The following ST6GALNAC3 variants were observed in gnomAD, a reference collection of about 807,000 sequenced individuals.
The protein encoded by ST6GALNAC3 is alpha-N-acetylgalactosaminide alpha-2,6-sialyltransferase 3.
Under a neutral mutation model 32.7 loss-of-function variants are expected in ST6GALNAC3, and 25 were observed. The ratio of observed to expected loss-of-function variants is 0.76; its 90% CI spans 0.56 to 1.07. The LOEUF is 1.07. Among genes scored for constraint, ST6GALNAC3 ranks in the 50% least tolerant of loss-of-function variants. The pLI is 0.00. For synonymous variants in ST6GALNAC3, 129 were observed against 133.1 expected, an observed-to-expected ratio of 0.97 and a Z score of 0.21; for missense variants, 355 against 382.4, an observed-to-expected ratio of 0.93 and a Z score of 0.60.
intron 3 of ST6GALNAC3, among the ~76,000 whole-genome samples, chr1:76,542,094 T>C (rs1664026270): frequency 6.6e-6 from 1 of 152,210 alleles, no homozygotes; most frequent in African/African-American, 2.4e-5. Flanking sequence ...GTTCAAACAA[T>C]CTCCAAATGA....
intron 1 of ST6GALNAC3, among the ~76,000 whole-genome samples, chr1:76,114,941 G>T (rs896651125): frequency 6.8e-6 from 1 of 146,810 alleles, no homozygotes; most frequent in Non-Finnish European, 1.5e-5. Flanking sequence ...AAAAGAAAAA[G>T]AAAAAAAAGG....
intron 2 of ST6GALNAC3, among the ~76,000 whole-genome samples, chr1:76,399,070 A>G (rs769087097): frequency 6.6e-6 from 1 of 151,806 alleles, no homozygotes; most frequent in Non-Finnish European, 1.5e-5. Context: ...GTTTTGGCTG[A>G]TTTTATTATC....
chr1:76,573,818 T>C (rs1646753392), intron 3 of ST6GALNAC3, among the ~76,000 whole-genome samples: 1 of 152,076 alleles, frequency 6.6e-6, no homozygotes, highest in African/African-American at 2.4e-5. Context: ...GCCTTGTACT[T>C]CTAGGAAGTA....
intron 3 of ST6GALNAC3, among the ~76,000 whole-genome samples, chr1:76,423,738 G>A (rs74089926): frequency 0.016 from 2,422 of 151,934 alleles, 82 homozygotes; most frequent in African/African-American, 0.056. Flanking sequence ...TTCTTCTGAC[G>A]TGAATAGGTT....
intron 3 of ST6GALNAC3, among the ~76,000 whole-genome samples, chr1:76,430,619 C>T (rs998348528): frequency 5.3e-5 from 8 of 152,084 alleles, no homozygotes; most frequent in Admixed American, 5.2e-4. Context: ...TCCCTCCCTC[C>T]TACGAATTCC....
At chr1:76,422,024 T>A (rs1159864776) in intron 3 of ST6GALNAC3, among the ~76,000 whole-genome samples, 1 of 151,972 alleles carries the variant, frequency 6.6e-6, no homozygotes, top group Non-Finnish European at 1.5e-5. Flanking sequence ...TCTTATAGCA[T>A]TACCTTCTAA....
chr1:76,440,712 A>G (rs1656515028), intron 3 of ST6GALNAC3, among the ~76,000 whole-genome samples: 1 of 152,200 alleles, frequency 6.6e-6, no homozygotes, highest in Non-Finnish European at 1.5e-5. Context: ...TGTTTTTATC[A>G]TGAGAGTCCC....
Position 76,074,846 on chromosome 1 carries a change from CAGG to C in ST6GALNAC3, c.-17_-15del, listed in dbSNP as rs762508743. On this transcript the variant is annotated 5_prime_UTR_variant, in exon 1 of 5. Coordinates refer to ENST00000328299, the MANE Select transcript of ST6GALNAC3 (RefSeq NM_152996.4). The stretch of plus-strand genomic sequence containing the variant: ...CCCAGGCGCGCCCGCTGCTCGGTGG[CAGG>C]AGGGCCGGCGGAGCGCCATGGCCTG... The C allele has an allele frequency of 5.6e-5, 89 of 1,585,610 alleles. 2 individuals carry two copies. The South Asian group carries it at 9.5e-4, about 17-fold the overall frequency.
intron 3 of ST6GALNAC3, among the ~76,000 whole-genome samples, chr1:76,566,935 C>T (rs2100464953): frequency 6.6e-6 from 1 of 152,256 alleles, no homozygotes; most frequent in East Asian, 1.9e-4. Flanking sequence ...GAAAATTCCA[C>T]ATCCTTGTGA....
chr1:76,401,917 C>G (rs1653449667), intron 2 of ST6GALNAC3, among the ~76,000 whole-genome samples: 1 of 152,272 alleles, frequency 6.6e-6, no homozygotes, highest in Admixed American at 6.5e-5. Context: ...CCTATTCCTT[C>G]CAGAATTACT....
At position 76,311,628 on chromosome 1, in the gene ST6GALNAC3, G is replaced by C. The variant is rs189958833; in HGVS notation, c.19-2177G>C. Among the ~76,000 whole-genome samples, 9 of 152,236 alleles carry C rather than the reference G, an allele frequency of 5.9e-5. No homozygotes were observed. The East Asian group carries it at 1.7e-3, about 29-fold the overall frequency. On this transcript the variant is annotated intron_variant, in intron 1 of 4. Transcript: ENST00000328299. Reference sequence around the variant, plus strand: ...CATGAACTCATCCTTTTTTATGGCTGTGTAGTATTCCATAATGTGTATGTG... The same window carrying C: ...CATGAACTCATCCTTTTTTATGGCTCTGTAGTATTCCATAATGTGTATGTG...
chr1:76,320,295 T>C (rs913378599), intron 2 of ST6GALNAC3, among the ~76,000 whole-genome samples: 1 of 152,192 alleles, frequency 6.6e-6, no homozygotes, highest in Non-Finnish European at 1.5e-5. Context: ...AGCCCTAATG[T>C]CTATGCTGGT....
intron 2 of ST6GALNAC3, among the ~76,000 whole-genome samples, chr1:76,366,116 A>G (rs1650349536): frequency 6.6e-6 from 1 of 152,106 alleles, no homozygotes; most frequent in African/African-American, 2.4e-5. Context: ...CTTGCTTCAT[A>G]ATCCATTTCA....
At chr1:76,241,775 C>T (rs770616025) in intron 1 of ST6GALNAC3, among the ~76,000 whole-genome samples, 37 of 152,078 alleles carry the variant, frequency 2.4e-4, no homozygotes, top group Non-Finnish European at 5.9e-5. Flanking sequence ...ATGATAATAT[C>T]TTGAGTCTAG....
intron 2 of ST6GALNAC3, among the ~76,000 whole-genome samples, chr1:76,345,786 G>C (rs1313114508): frequency 1.3e-5 from 2 of 152,032 alleles, no homozygotes; most frequent in African/African-American, 4.8e-5. Context: ...AGCTCAGACA[G>C]TATGCCCCTC....
chr1:76,432,918 C>A (rs543305286), intron 3 of ST6GALNAC3, among the ~76,000 whole-genome samples: 1 of 152,218 alleles, frequency 6.6e-6, no homozygotes. Context: ...CAGGCTTCTA[C>A]AGGCGGTTTT....
intron 1 of ST6GALNAC3, among the ~76,000 whole-genome samples, chr1:76,116,662 G>A (rs886615752): frequency 3.9e-5 from 6 of 152,132 alleles, no homozygotes; most frequent in African/African-American, 1.4e-4. Flanking sequence ...TGGGTGCGGT[G>A]GCTCACACCT....
chr1:76,194,318 G>C (rs1029237082), intron 1 of ST6GALNAC3, among the ~76,000 whole-genome samples: 2 of 152,148 alleles, frequency 1.3e-5, no homozygotes, highest in African/African-American at 2.4e-5. Flanking sequence ...AAGTTTATAG[G>C]CTAAAAGAGT....
intron 2 of ST6GALNAC3, among the ~76,000 whole-genome samples, chr1:76,368,585 C>G (rs1349786633): frequency 6.6e-6 from 1 of 151,946 alleles, no homozygotes; most frequent in Non-Finnish European, 1.5e-5. Context: ...AATCTGCTTC[C>G]CTTTCTGCCT....
Sources: allele counts gnomAD v4.1 joint callset (sites outside exome capture counted in the v4.1 genomes callset), GRCh38; gene constraint gnomAD v4.1.1; transcripts MANE v1.5; gene names NCBI Gene and HGNC (gene_info 2026-07-23, HGNC 2026-07-21).